The following ITPKB variants were observed in gnomAD, a reference collection of about 807,000 sequenced individuals.
The protein encoded by ITPKB is inositol-trisphosphate 3-kinase B, also known as IP3 3-kinase B.
ITPKB carries 13 observed loss-of-function variants against 69.4 expected under a neutral mutation model. The ratio of observed to expected loss-of-function variants is 0.19; its 90% confidence interval spans 0.12 to 0.30. The LOEUF is 0.30. Ranked by LOEUF, ITPKB falls within the 10% of genes least tolerant of loss-of-function variation. ITPKB has a pLI of 1.00. For synonymous variants in ITPKB, 584 were observed against 513.7 expected (o/e 1.14, Z -1.85); for missense variants, 1,240 against 1,250.5 (o/e 0.99, Z 0.13).
chr1:226,675,096 C>T (rs1249354194), intron 2 of ITPKB: 3 of 136,954 alleles, frequency 2.2e-5, no homozygotes, highest in Non-Finnish European at 4.6e-5. Flanking sequence ...GAGACCTAGC[C>T]TTCAGAACTC....
intron 2 of ITPKB, among the ~76,000 whole-genome samples, chr1:226,699,993 T>C (rs922626756): frequency 1.3e-5 from 2 of 152,276 alleles, no homozygotes; most frequent in Admixed American, 1.3e-4. Context: ...GGGAGAAAGA[T>C]GTAGGCTGGG....
At chr1:226,728,605 C>CA (rs1325399841) in intron 2 of ITPKB, among the ~76,000 whole-genome samples, 1 of 152,210 alleles carries the variant, frequency 6.6e-6, no homozygotes, top group Non-Finnish European at 1.5e-5. Flanking sequence ...GCTGACCAAG[C>CA]AATTCATTCC....
intron 2 of ITPKB, among the ~76,000 whole-genome samples, chr1:226,694,303 A>C (rs978084928): frequency 2.0e-5 from 3 of 152,248 alleles, no homozygotes; most frequent in Non-Finnish European, 4.4e-5. Context: ...TGAAGCTGTT[A>C]GAACAACTAT....
intron 2 of ITPKB, among the ~76,000 whole-genome samples, chr1:226,689,445 C>G (rs1656292252): frequency 6.6e-6 from 1 of 152,080 alleles, no homozygotes; most frequent in African/African-American, 2.4e-5. Context: ...TGTGGTAGGC[C>G]CAGGGAAGGG....
At chr1:226,706,298 T>C (rs1656800740) in intron 2 of ITPKB, among the ~76,000 whole-genome samples, 1 of 152,362 alleles carries the variant, frequency 6.6e-6, no homozygotes, top group African/African-American at 2.4e-5. Flanking sequence ...GTGAAACCCA[T>C]TGGGCTGGAC....
At chr1:226,720,604 C>T (rs1657212036) in intron 2 of ITPKB, among the ~76,000 whole-genome samples, 1 of 152,166 alleles carries the variant, frequency 6.6e-6, no homozygotes. Context: ...ACATGCCTGG[C>T]ACATAATAGG....
At chr1:226,663,076 T>A (rs1669431537) in intron 2 of ITPKB, among the ~76,000 whole-genome samples, 1 of 152,184 alleles carries the variant, frequency 6.6e-6, no homozygotes, top group African/African-American at 2.4e-5. Flanking sequence ...AACCCCCAAG[T>A]ATGAGCAAGA....
chr1:226,647,237 A>G lies in ITPKB; in HGVS notation c.2176T>C (p.Tyr726His). 1 of 1,614,218 alleles carries G rather than the reference A, an allele frequency of 6.2e-7. No homozygotes were observed. The highest frequency in any genetic ancestry group is 1.1e-5 in the South Asian group (1 of 91,092). ...HGDVVKDGERYNQMDDLLADF... is the reference protein window; with the variant it reads ...HGDVVKDGERHNQMDDLLADF... ...GCCAGCAGGTCGTCCATCTGGTTGTAGCGCTCCCCGTCCTTCACCACATCC... is the reference window on the plus strand; with the variant it reads ...GCCAGCAGGTCGTCCATCTGGTTGTGGCGCTCCCCGTCCTTCACCACATCC... Residue 726 changes from tyrosine to histidine, a missense_variant, in exon 4 of 8, where the codon TAC becomes CAC. Physicochemically the swap from Tyr to His is moderately conservative, Grantham distance 83 (BLOSUM62 2). This residue lies in a region of ITPKB where 248 missense variants were observed against 396.7 expected (regional missense o/e 0.63). Transcript: ENST00000429204.
chr1:226,698,442 G>GT (rs1656548743), intron 2 of ITPKB, among the ~76,000 whole-genome samples: 1 of 152,212 alleles, frequency 6.6e-6, no homozygotes, highest in Non-Finnish European at 1.5e-5. Flanking sequence ...TTTCAGAATC[G>GT]TAAGACTGGA....
At chr1:226,683,130 G>T (rs907918497) in intron 2 of ITPKB, among the ~76,000 whole-genome samples, 1 of 152,222 alleles carries the variant, frequency 6.6e-6, no homozygotes, top group Non-Finnish European at 1.5e-5. Context: ...GTCCACGCTT[G>T]CATAAACCTG....
At chr1:226,647,088 A>C in intron 4 of ITPKB, 79 bp downstream of exon 4, 1 of 1,327,000 alleles carries the variant, frequency 7.5e-7, no homozygotes, top group Non-Finnish European at 1.1e-6. Flanking sequence ...GCCTCCGGGA[A>C]GCCCTGAGTG....
chr1:226,680,763 G>A (rs1420422454), intron 2 of ITPKB, among the ~76,000 whole-genome samples: 1 of 152,136 alleles, frequency 6.6e-6, no homozygotes, highest in African/African-American at 2.4e-5. Flanking sequence ...CATTTTAAAC[G>A]CTTTTTCTCA....
chr1:226,737,194 C>A lies in ITPKB; in HGVS notation c.265G>T (p.Gly89Cys). 6.3e-7 allele frequency: 1 copy of A among 1,587,612 alleles called. No individual in the cohort carries two copies. The highest frequency in any genetic ancestry group is 2.3e-5 in the East Asian group (1 of 44,126). ...ACGCTACTGCCGCTGCTGCCGCTGCCACTGCCGCTGCTACTATTCAGCCTG... is the reference window on the plus strand; with the variant it reads ...ACGCTACTGCCGCTGCTGCCGCTGCAACTGCCGCTGCTACTATTCAGCCTG... ...RRRLNSSSGSGSGSSGSSVSS... is the reference protein window; with the variant it reads ...RRRLNSSSGSCSGSSGSSVSS... Residue 89 changes from glycine to cysteine, a missense_variant, in exon 2 of 8, where the codon GGC (glycine) becomes TGC (cysteine). This residue lies in a region of ITPKB where 992 missense variants were observed against 853.8 expected (regional missense o/e 1.16). Transcript: ENST00000429204.
At chr1:226,635,352 T>C (rs1668811996) in intron 7 of ITPKB, among the ~76,000 whole-genome samples, 1 of 152,182 alleles carries the variant, frequency 6.6e-6, no homozygotes, top group Non-Finnish European at 1.5e-5. Context: ...TCCCGAGTAG[T>C]TGGGACTACA....
intron 2 of ITPKB, among the ~76,000 whole-genome samples, chr1:226,720,958 C>G (rs1354329675): frequency 6.6e-6 from 1 of 151,466 alleles, no homozygotes; most frequent in East Asian, 1.9e-4. Flanking sequence ...AGAAGAATCG[C>G]TTGAACCCGG....
intron 2 of ITPKB, among the ~76,000 whole-genome samples, chr1:226,659,247 T>C (rs1402505538): frequency 6.6e-6 from 1 of 152,096 alleles, no homozygotes; most frequent in African/African-American, 2.4e-5. Flanking sequence ...ACTCTTCCTC[T>C]TCCACCATAA....
chr1:226,648,128 GC>G (rs3835707), intron 3 of ITPKB, among the ~76,000 whole-genome samples: 3,594 of 152,288 alleles, frequency 0.024, 65 homozygotes, highest in East Asian at 0.089. Flanking sequence ...TCAGCTCCTA[GC>G]CACCTTCCTC....
At chr1:226,722,463 C>G (rs995861575) in intron 2 of ITPKB, among the ~76,000 whole-genome samples, 3 of 152,212 alleles carry the variant, frequency 2.0e-5, no homozygotes, top group African/African-American at 7.2e-5. Flanking sequence ...CGGCTCGGCT[C>G]TCAGGAGAGA....
At chr1:226,706,680 A>AT (rs1226170205) in intron 2 of ITPKB, among the ~76,000 whole-genome samples, 3 of 152,240 alleles carry the variant, frequency 2.0e-5, no homozygotes, top group African/African-American at 7.2e-5. Context: ...GACAGGGCAA[A>AT]TTATATGTCA....
Sources: gnomAD v4.1 joint callset for allele counts (sites outside exome capture counted in the v4.1 genomes callset) on GRCh38, gnomAD v4.1.1 for gene constraint, gnomAD v4.1.1 regional missense constraint, MANE v1.5 for transcripts, NCBI Gene and HGNC (gene_info 2026-07-23, HGNC 2026-07-21) for gene names.